Variants in ZMIZ1 observed in about 807,000 individuals in gnomAD.
The protein encoded by ZMIZ1 is zinc finger MIZ-type containing 1.
Under a neutral mutation model 113.9 loss-of-function variants are expected in ZMIZ1, and 17 were observed. The observed-to-expected ratio is 0.15, with a 90% confidence interval of 0.10 to 0.22. ZMIZ1 has a LOEUF of 0.22. Ranked by LOEUF, ZMIZ1 falls within the 10% of genes least tolerant of loss-of-function variation. The pLI, the probability that ZMIZ1 is intolerant of heterozygous loss-of-function variation, is 1.00. For missense variants in ZMIZ1, 1,059 were observed against 1,477.8 expected, an observed-to-expected ratio of 0.72 and a Z score of 4.65; for synonymous variants, 607 against 603.1, an observed-to-expected ratio of 1.01 and a Z score of -0.09.
intron 4 of ZMIZ1, among the ~76,000 whole-genome samples, chr10:79,185,428 T>A (rs1161740199): frequency 6.6e-6 from 1 of 152,148 alleles, no homozygotes; most frequent in East Asian, 1.9e-4. Context: ...TTCTTATTTA[T>A]CCTCCTCCCA....
rs996438055 is a variant in ZMIZ1 at position 79,082,130 on chromosome 10, C to T, written c.-337+12860C>T. Reference sequence around the variant, plus strand: ...GGCTGTGGCAGTGGCACTGGCCTGGCCTGGGACTCACCTTCCTCATTTTGC... The same window carrying T: ...GGCTGTGGCAGTGGCACTGGCCTGGTCTGGGACTCACCTTCCTCATTTTGC... On this transcript the variant is annotated intron_variant, in intron 1 of 24. Transcript: ENST00000334512. Among the ~76,000 whole-genome samples, 32 of 152,334 alleles carry T rather than the reference C, an allele frequency of 2.1e-4. 1 individual carries two copies. The highest frequency in any genetic ancestry group is 2.0e-3 in the Admixed American group (30 of 15,304).
chr10:79,102,417 C>A (rs1843398481), intron 1 of ZMIZ1, among the ~76,000 whole-genome samples: 2 of 152,240 alleles, frequency 1.3e-5, no homozygotes, highest in South Asian at 4.1e-4. Flanking sequence ...GCCCTCTGCT[C>A]CATCAGCCTC....
chr10:79,232,673 A>G (rs112507634), intron 7 of ZMIZ1, among the ~76,000 whole-genome samples: 20 of 152,130 alleles, frequency 1.3e-4, no homozygotes, highest in Non-Finnish European at 2.2e-4. Context: ...ACATCATCCT[A>G]CTACTACTGC....
chr10:79,212,157 T>A (rs928119119), intron 6 of ZMIZ1, among the ~76,000 whole-genome samples: 3 of 151,890 alleles, frequency 2.0e-5, no homozygotes, highest in African/African-American at 4.8e-5. Flanking sequence ...TTTTTTTTTT[T>A]AATTTTTTTT....
intron 7 of ZMIZ1, among the ~76,000 whole-genome samples, chr10:79,270,714 C>T (rs1390607513): frequency 1.3e-5 from 2 of 152,190 alleles, no homozygotes; most frequent in Non-Finnish European, 2.9e-5. Context: ...GAGGTCAACT[C>T]TCCCTTCTGC....
At chr10:79,155,963 G>A (rs1418360008) in intron 3 of ZMIZ1, among the ~76,000 whole-genome samples, 4 of 152,192 alleles carry the variant, frequency 2.6e-5, no homozygotes, top group African/African-American at 9.6e-5. Flanking sequence ...GTTATCTGAG[G>A]ATTACCCATC....
intron 5 of ZMIZ1, among the ~76,000 whole-genome samples, chr10:79,202,059 A>AT (rs911987446): frequency 2.8e-5 from 4 of 142,792 alleles, no homozygotes; most frequent in African/African-American, 7.8e-5. Context: ...TCGTTCTCAA[A>AT]AAAAAAAAAA....
chr10:79,307,505 C>T lies in ZMIZ1; in HGVS notation c.2769C>T (p.His923=). ...DFMHGPPQLS[H]PPDMPNNMAA... Reference sequence around the variant, plus strand: ...TGCACGGGCCCCCCCAGCTCTCCCACCCCCCGGACATGCCCAACAACATGG... The same window carrying T: ...TGCACGGGCCCCCCCAGCTCTCCCATCCCCCGGACATGCCCAACAACATGG... Residue 923 remains histidine (H), a synonymous_variant, in exon 23 of 25, where the codon CAC becomes CAT. Coordinates refer to ENST00000334512, the MANE Select transcript of ZMIZ1 (RefSeq NM_020338.4). 1.2e-6 allele frequency: 2 copies of T among 1,607,964 alleles called. No homozygotes were observed. The highest frequency in any genetic ancestry group is 1.7e-4 in the Middle Eastern group (1 of 6,040).
At chr10:79,098,029 G>T (rs551138621) in intron 1 of ZMIZ1, among the ~76,000 whole-genome samples, 1 of 152,332 alleles carries the variant, frequency 6.6e-6, no homozygotes, top group Admixed American at 6.5e-5. Context: ...ATGCCACTGG[G>T]CCCTCGGAGG....
chr10:79,183,358 G>GCACACACACACACA (rs57212618), intron 4 of ZMIZ1, among the ~76,000 whole-genome samples: 6 of 150,692 alleles, frequency 4.0e-5, no homozygotes, highest in African/African-American at 1.5e-4. Context: ...TCGTGCACGC[G>GCACACACACACACA]CACACACACA....
At chr10:79,273,263 G>T (rs866733944) in intron 7 of ZMIZ1, among the ~76,000 whole-genome samples, 1 of 152,326 alleles carries the variant, frequency 6.6e-6, no homozygotes, top group South Asian at 2.1e-4. Flanking sequence ...TCTGTGGCCA[G>T]CTCTGCAGGC....
intron 1 of ZMIZ1, among the ~76,000 whole-genome samples, chr10:79,078,214 T>C (rs1026330691): frequency 2.6e-5 from 4 of 152,116 alleles, no homozygotes; most frequent in African/African-American, 9.7e-5. Flanking sequence ...ATAATAACAA[T>C]ACCTACTTTT....
At chr10:79,311,304 G>GGGC in intron 24 of ZMIZ1, 120 bp downstream of exon 24, 1 of 359,152 alleles carries the variant, frequency 2.8e-6, no homozygotes, top group Non-Finnish European at 5.5e-6. Context: ...TGGGCGGTGG[G>GGGC]AGGGCTTCAC....
chr10:79,138,039 C>A (rs1354787775), intron 2 of ZMIZ1, among the ~76,000 whole-genome samples: 1 of 152,232 alleles, frequency 6.6e-6, no homozygotes. Flanking sequence ...CCTCCTGACA[C>A]CCACATCCTG....
intron 4 of ZMIZ1, among the ~76,000 whole-genome samples, chr10:79,165,355 T>C (rs1167226484): frequency 6.6e-6 from 1 of 152,136 alleles, no homozygotes; most frequent in Non-Finnish European, 1.5e-5. Context: ...CCAGGGTTCC[T>C]TGCCCAGAGA....
At chr10:79,224,139 G>C (rs1849107052) in intron 7 of ZMIZ1, among the ~76,000 whole-genome samples, 1 of 152,206 alleles carries the variant, frequency 6.6e-6, no homozygotes, top group Non-Finnish European at 1.5e-5. Flanking sequence ...CAGAGTGCTA[G>C]ACTTAGTATG....
At chr10:79,237,325 T>G (rs545725184) in intron 7 of ZMIZ1, among the ~76,000 whole-genome samples, 1 of 152,258 alleles carries the variant, frequency 6.6e-6, no homozygotes, top group Admixed American at 6.5e-5. Context: ...TGAGGAAGGG[T>G]CTTAAGCAGA....
At chr10:79,192,398 C>T (rs1589402664) in intron 4 of ZMIZ1, among the ~76,000 whole-genome samples, 5 of 152,352 alleles carry the variant, frequency 3.3e-5, no homozygotes, top group Admixed American at 3.3e-4. Flanking sequence ...GCCAAGGTTA[C>T]ATTATGTTAT....
intron 1 of ZMIZ1, among the ~76,000 whole-genome samples, chr10:79,072,243 G>T (rs543162668): frequency 6.6e-6 from 1 of 152,142 alleles, no homozygotes; most frequent in African/African-American, 2.4e-5. Context: ...GGGGTTTGGC[G>T]ACAGAACCAG....
Sources: allele counts gnomAD v4.1 joint callset (sites outside exome capture counted in the v4.1 genomes callset), GRCh38; gene constraint gnomAD v4.1.1; transcripts MANE v1.5; gene names NCBI Gene and HGNC (gene_info 2026-07-23, HGNC 2026-07-21).